ELP4: variants seen among roughly 807,000 people sequenced by gnomAD.
The protein encoded by ELP4 is elongator complex protein 4.
In ELP4, 51 loss-of-function variants were observed where a neutral mutation model predicts 48.9. The ratio of observed to expected loss-of-function variants is 1.04; its 90% CI spans 0.83 to 1.32. The LOEUF (loss-of-function observed/expected upper bound fraction) is 1.32, where lower values mean the gene tolerates loss of function less well. Among genes scored for constraint, ELP4 ranks in the 40% most tolerant of loss-of-function variants. The pLI is 0.00. For missense variants in ELP4, 519 were observed against 514.6 expected, an observed-to-expected ratio of 1.01 and a Z score of -0.08; for synonymous variants, 210 against 189.2, an observed-to-expected ratio of 1.11 and a Z score of -0.90.
At chr11:31,693,759 C>G (rs1946334360) in intron 9 of ELP4, among the ~76,000 whole-genome samples, 1 of 152,194 alleles carries the variant, frequency 6.6e-6, no homozygotes. Context: ...AATGGTTGAA[C>G]TAGTTTACAG....
chr11:31,719,113 G>A (rs777595347), intron 9 of ELP4, among the ~76,000 whole-genome samples: 1 of 152,056 alleles, frequency 6.6e-6, no homozygotes, highest in Non-Finnish European at 1.5e-5. Context: ...TTAAAAATTA[G>A]CCAGGTGTGG....
chr11:31,703,356 T>G (rs770337800), intron 9 of ELP4, among the ~76,000 whole-genome samples: 1 of 152,186 alleles, frequency 6.6e-6, no homozygotes, highest in African/African-American at 2.4e-5. Context: ...CAGATTTAGA[T>G]CACCTCTTTA....
chr11:31,749,027 G>A (rs182642514), intron 9 of ELP4, among the ~76,000 whole-genome samples: 2 of 152,248 alleles, frequency 1.3e-5, no homozygotes, highest in Admixed American at 6.5e-5. Context: ...AAGCAAGGAG[G>A]TATGAATGCC....
At chr11:31,769,733 A>G (rs573434866) in intron 9 of ELP4, among the ~76,000 whole-genome samples, 1 of 152,336 alleles carries the variant, frequency 6.6e-6, no homozygotes, top group Non-Finnish European at 1.5e-5. Flanking sequence ...GTAAACAAAC[A>G]GAAAGATATT....
intron 3 of ELP4, among the ~76,000 whole-genome samples, chr11:31,547,576 A>G (rs535850575): frequency 1.4e-4 from 21 of 152,322 alleles, no homozygotes; most frequent in Non-Finnish European, 2.8e-4. Context: ...AACTGGTACC[A>G]TTCCTTCTGA....
chr11:31,542,032 C>T lies in ELP4; in HGVS notation c.381+2249C>T, dbSNP rs1016200813. ...CACATGTCTGACCAAGATAGATTAACAAGGTCCAGATTTCTCCTCATGCCT... is the reference window on the plus strand; with the variant it reads ...CACATGTCTGACCAAGATAGATTAATAAGGTCCAGATTTCTCCTCATGCCT... On this transcript the variant is annotated intron_variant, in intron 3 of 9. Coordinates refer to ENST00000640961, the MANE Select transcript of ELP4 (RefSeq NM_019040.5). Among the ~76,000 whole-genome samples, 24 of 152,288 alleles carry T rather than the reference C, an allele frequency of 1.6e-4. 1 individual carries two copies. Among genetic ancestry groups the T allele is most frequent in the Admixed American group, 1.6e-3 (24 of 15,300 alleles).
intron 9 of ELP4, among the ~76,000 whole-genome samples, chr11:31,701,720 A>G (rs1946526862): frequency 6.7e-6 from 1 of 149,872 alleles, no homozygotes; most frequent in Non-Finnish European, 1.5e-5. Flanking sequence ...TAATAAATAT[A>G]TATACACACA....
At chr11:31,709,733 C>A (rs956554982) in intron 9 of ELP4, among the ~76,000 whole-genome samples, 3 of 152,088 alleles carry the variant, frequency 2.0e-5, no homozygotes, top group African/African-American at 7.2e-5. Flanking sequence ...ACATGAATTG[C>A]CTAATACAAT....
chr11:31,556,464 C>T (rs1050927595), intron 3 of ELP4, among the ~76,000 whole-genome samples: 4 of 139,382 alleles, frequency 2.9e-5, no homozygotes, highest in Admixed American at 7.2e-5. Flanking sequence ...ATTATATACA[C>T]GTGCACACAC....
chr11:31,528,624 C>A (rs1455081426), intron 2 of ELP4, among the ~76,000 whole-genome samples: 1 of 152,038 alleles, frequency 6.6e-6, no homozygotes, highest in East Asian at 1.9e-4. Flanking sequence ...ATTTCTATTT[C>A]TGTGCTATAT....
intron 3 of ELP4, among the ~76,000 whole-genome samples, chr11:31,587,407 C>G (rs1211284481): frequency 3.9e-5 from 6 of 152,066 alleles, no homozygotes; most frequent in African/African-American, 1.4e-4. Context: ...AAAGTAAGTG[C>G]TAATTTCCTC....
At chr11:31,691,180 G>A (rs748321365) in intron 9 of ELP4, among the ~76,000 whole-genome samples, 4 of 151,868 alleles carry the variant, frequency 2.6e-5, no homozygotes, top group Non-Finnish European at 5.9e-5. Context: ...TGGAAATTAA[G>A]GGGAAAAATG....
intron 2 of ELP4, among the ~76,000 whole-genome samples, chr11:31,531,649 G>A (rs1348712965): frequency 6.6e-6 from 1 of 152,202 alleles, no homozygotes; most frequent in Non-Finnish European, 1.5e-5. Context: ...ATGGAAGGGG[G>A]AATGTATTGG....
chr11:31,685,696 G>T (rs1317788289), intron 9 of ELP4, among the ~76,000 whole-genome samples: 1 of 152,080 alleles, frequency 6.6e-6, no homozygotes, highest in Non-Finnish European at 1.5e-5. Flanking sequence ...ACTTTGGGAG[G>T]CCAGGCGCGC....
chr11:31,752,032 G>A (rs1378388561), intron 9 of ELP4, among the ~76,000 whole-genome samples: 4 of 152,120 alleles, frequency 2.6e-5, no homozygotes, highest in Non-Finnish European at 5.9e-5. Flanking sequence ...TATTAAAGTA[G>A]TATTATCAAA....
intron 2 of ELP4, among the ~76,000 whole-genome samples, chr11:31,539,134 T>C (rs555366445): frequency 6.6e-6 from 1 of 152,238 alleles, no homozygotes; most frequent in Middle Eastern, 3.4e-3. Context: ...ATGTAGTAGT[T>C]GGAGAATGAT....
chr11:31,790,089 T>C lies in ELP4; in HGVS notation c.*6565T>C. 2.7e-6 allele frequency: 1 copy of C among 365,286 alleles called. No homozygotes were observed. Among genetic ancestry groups the C allele is most frequent in the East Asian group, 6.2e-5 (1 of 16,230 alleles). The allele number at this position is 365,286 out of a possible 1,614,324, so 22.6% of individuals were successfully genotyped here. A position where few individuals can be genotyped will look rare whatever the true frequency, so the allele number is the denominator to read the frequency against. On this transcript the variant is annotated 3_prime_UTR_variant, in exon 10 of 10. Coordinates refer to ENST00000640961, the MANE Select transcript of ELP4 (RefSeq NM_019040.5). ...GAAACAGACATGGAATACAAATTTA[T>C]AGGTTTACAAAAAAAAAAAAAAAAA...
At chr11:31,755,097 C>T (rs1947805817) in intron 9 of ELP4, among the ~76,000 whole-genome samples, 1 of 152,078 alleles carries the variant, frequency 6.6e-6, no homozygotes, top group Non-Finnish European at 1.5e-5. Flanking sequence ...TGGATGGGGA[C>T]ATGTCAGAAA....
intron 9 of ELP4, among the ~76,000 whole-genome samples, chr11:31,751,954 C>G (rs1168621815): frequency 6.6e-6 from 1 of 152,108 alleles, no homozygotes. Context: ...TTTATTACAA[C>G]TTCATGTAAT....
Sources: gnomAD v4.1 joint callset for allele counts (sites outside exome capture counted in the v4.1 genomes callset) on GRCh38, gnomAD v4.1.1 for gene constraint, MANE v1.5 for transcripts, NCBI Gene and HGNC (gene_info 2026-07-23, HGNC 2026-07-21) for gene names.